Variants in DCUN1D5 observed in about 807,000 individuals in gnomAD.
DCUN1D5 encodes DCN1-like protein 5.
In DCUN1D5, 10 loss-of-function variants were observed where a neutral mutation model predicts 38.3. That is an observed-to-expected ratio of 0.26 (90% confidence interval 0.16 to 0.44). The LOEUF (loss-of-function observed/expected upper bound fraction) is 0.44, where lower values mean the gene tolerates loss of function less well. Among genes scored for constraint, DCUN1D5 ranks in the 20% least tolerant of loss-of-function variants. The pLI is 1.00. For synonymous variants in DCUN1D5, 93 were observed against 90.9 expected (o/e 1.02, Z -0.13); for missense variants, 148 against 275.3 (o/e 0.54, Z 3.27).
chr11:103,074,551 G>T (rs144342066), intron 4 of DCUN1D5, among the ~76,000 whole-genome samples: 224 of 152,152 alleles, frequency 1.5e-3, no homozygotes, highest in African/African-American at 5.2e-3. Flanking sequence ...GACTATGGGC[G>T]TGCACCACCA....
chr11:103,065,607 G>C lies in DCUN1D5; in HGVS notation c.555+662C>G, dbSNP rs1028545977. On this transcript the variant is annotated intron_variant, in intron 6 of 7. Transcript: ENST00000260247. This position sits in a 1 kb window ranked among gnomAD's most constrained non-coding sequence, Gnocchi z 4.6. The stretch of plus-strand genomic sequence containing the variant: ...ATACCAATAACCCTAGAATTACAAA[G>C]GCACAAAAACAGATTTAAAAAAAAA... Among the ~76,000 whole-genome samples, 8 of 151,202 alleles carry C rather than the reference G, an allele frequency of 5.3e-5. No homozygotes were observed. The highest frequency in any genetic ancestry group is 1.9e-4 in the African/African-American group (8 of 41,132).
chr11:103,072,232 TAGG>T lies in DCUN1D5; in HGVS notation c.342-5668_342-5666del, dbSNP rs1343442751. Among the ~76,000 whole-genome samples, 6 of 151,604 alleles carry T rather than the reference TAGG, an allele frequency of 4.0e-5. No homozygotes were observed. The South Asian group carries it at 8.3e-4, about 21-fold the overall frequency. The stretch of plus-strand genomic sequence containing the variant: ...CATGTAATAAGTCAAAAAAAAGAAA[TAGG>T]AGAGGATGTGGAGAAATAGGAATGA... On this transcript the variant is annotated intron_variant, in intron 4 of 7. Transcript: ENST00000260247.
chr11:103,084,895 G>C (rs1289763611), intron 2 of DCUN1D5, among the ~76,000 whole-genome samples: 3 of 152,014 alleles, frequency 2.0e-5, no homozygotes, highest in Non-Finnish European at 2.9e-5. Context: ...ACTGAGGTGG[G>C]AGCATTGCTT....
At chr11:103,068,146 G>A (rs957172190) in intron 4 of DCUN1D5, among the ~76,000 whole-genome samples, 2 of 151,836 alleles carry the variant, frequency 1.3e-5, no homozygotes, top group African/African-American at 4.8e-5. Context: ...TTTCTAATTT[G>A]CATTAGCATT....
intron 4 of DCUN1D5, chr11:103,080,030 A>G (rs2134626910): frequency 6.6e-6 from 1 of 152,302 alleles, no homozygotes; most frequent in Admixed American, 6.5e-5. Flanking sequence ...AATGTTAACA[A>G]AGTAGTCTGC....
At chr11:103,081,006 T>TAA (rs746448262) in intron 4 of DCUN1D5, among the ~76,000 whole-genome samples, 12 of 138,630 alleles carry the variant, frequency 8.7e-5, no homozygotes, top group Admixed American at 1.5e-4. Flanking sequence ...AGACTCCGTC[T>TAA]AAAAAAAAAA....
At position 103,083,030 on chromosome 11, in the gene DCUN1D5, C is replaced by G. The variant is rs771488715; in HGVS notation, c.250-191G>C. ...ATTTCTTAAAAGTAAAAAGTTCTAACAGTTTCTGAAGGTAGAATCTCTTAT... is the reference window on the plus strand; with the variant it reads ...ATTTCTTAAAAGTAAAAAGTTCTAAGAGTTTCTGAAGGTAGAATCTCTTAT... On this transcript the variant is annotated intron_variant, in intron 3 of 7. Coordinates refer to ENST00000260247, the MANE Select transcript of DCUN1D5 (RefSeq NM_032299.4). The surrounding 1 kb of genome is among the most constrained non-coding windows in gnomAD (Gnocchi z 4.4). Among the ~76,000 whole-genome samples, 1 of 151,974 alleles carries G rather than the reference C, an allele frequency of 6.6e-6. No homozygotes were observed. The highest frequency in any genetic ancestry group is 1.5e-5 in the Non-Finnish European group (1 of 67,886).
chr11:103,079,625 CA>C (rs560293422), intron 4 of DCUN1D5, among the ~76,000 whole-genome samples: 21 of 143,776 alleles, frequency 1.5e-4, no homozygotes, highest in South Asian at 2.2e-4. Flanking sequence ...CCCTGTCTCT[CA>C]AAAAAAAAAT....
chr11:103,055,434 T>C lies in DCUN1D5; in HGVS notation c.*6925A>G, dbSNP rs976940418. ...GAAAAAGAAACTAGCACTCCAGATG[T>C]TGTTATTCTTAATATAAAAAACTGT... is the stretch of plus-strand genomic sequence containing the variant. On this transcript the variant is annotated 3_prime_UTR_variant, in exon 8 of 8. Transcript: ENST00000260247. The C allele has an allele frequency of 1.3e-5, 2 of 152,138 alleles. No homozygotes were observed. The highest frequency in any genetic ancestry group is 1.3e-4 in the Admixed American group (2 of 15,276). 9.4% of individuals were successfully genotyped at this position (152,138 alleles called of 1,614,324 possible).
chr11:103,084,895 G>A (rs1289763611), intron 2 of DCUN1D5, among the ~76,000 whole-genome samples: 1 of 152,014 alleles, frequency 6.6e-6, no homozygotes, highest in South Asian at 2.1e-4. Context: ...ACTGAGGTGG[G>A]AGCATTGCTT....
intron 4 of DCUN1D5, among the ~76,000 whole-genome samples, chr11:103,081,678 T>TA (rs1230619947): frequency 3.9e-5 from 6 of 152,066 alleles, no homozygotes; most frequent in Non-Finnish European, 8.8e-5. Flanking sequence ...CTCAGACTAT[T>TA]AAAAAAATGG....
chr11:103,080,803 T>C (rs543154543), intron 4 of DCUN1D5, among the ~76,000 whole-genome samples: 24 of 152,214 alleles, frequency 1.6e-4, no homozygotes, highest in Non-Finnish European at 2.6e-4. Context: ...GGTCAGGAGA[T>C]TGAGACCATC....
chr11:103,052,623 A>C lies in DCUN1D5; in HGVS notation c.*9736T>G, dbSNP rs1031624889. 1 of 152,034 alleles carries C rather than the reference A, an allele frequency of 6.6e-6. No homozygotes were observed. Among genetic ancestry groups the C allele is most frequent in the East Asian group, 1.9e-4 (1 of 5,202 alleles). 9.4% of individuals were successfully genotyped at this position (152,034 alleles called of 1,614,324 possible). ...GATTCATTCCTTCATTCTTGTATCT[A>C]CTCCAAGTCTCTCTTGGTAGTTCTT... On this transcript the variant is annotated 3_prime_UTR_variant, in exon 8 of 8. Transcript: ENST00000260247.
chr11:103,058,098 T>A lies in DCUN1D5; in HGVS notation c.*4261A>T, dbSNP rs1214158335. ...GCATTATAAGACAAGATTCAATACT[T>A]AGGTTAAAATCTAACCTTACTATAT... On this transcript the variant is annotated 3_prime_UTR_variant, in exon 8 of 8. Coordinates refer to ENST00000260247, the MANE Select transcript of DCUN1D5 (RefSeq NM_032299.4). Among the ~76,000 whole-genome samples, 1 of 152,196 alleles carries A rather than the reference T, an allele frequency of 6.6e-6. No individual in the cohort carries two copies. The highest frequency in any genetic ancestry group is 1.5e-5 in the Non-Finnish European group (1 of 68,034).
rs968610719 is a variant in DCUN1D5 at position 103,059,858 on chromosome 11, TAAAGCACC to T, written c.*2493_*2500del. ...ATAGAAACAACTCAACTCCATGTTA[TAAAGCACC>T]ATACGGTATTTCATCCTGTACAAAG... is the stretch of plus-strand genomic sequence containing the variant. On this transcript the variant is annotated 3_prime_UTR_variant, in exon 8 of 8. Coordinates refer to ENST00000260247, the MANE Select transcript of DCUN1D5 (RefSeq NM_032299.4). 8.5e-5 allele frequency among the ~76,000 whole-genome samples: 13 copies of T among 152,270 alleles called. No individual in the cohort carries two copies. The highest frequency in any genetic ancestry group is 2.6e-4 in the African/African-American group (11 of 41,550).
At chr11:103,072,831 G>A (rs2134616026) in intron 4 of DCUN1D5, among the ~76,000 whole-genome samples, 2 of 152,126 alleles carry the variant, frequency 1.3e-5, no homozygotes, top group Middle Eastern at 3.4e-3. Flanking sequence ...AACGGGTGCA[G>A]CACCAACATG....
Position 103,064,237 on chromosome 11 carries a change from A to T in DCUN1D5, c.658+38T>A, listed in dbSNP as rs1366624547. Reference sequence around the variant, plus strand: ...CATACTCTCATTTAATATTTTTGGAAATTTTGTTTTCAAAGGAACATGTTA... The same window carrying T: ...CATACTCTCATTTAATATTTTTGGATATTTTGTTTTCAAAGGAACATGTTA... On this transcript the variant is annotated intron_variant, in intron 7 of 7. Transcript: ENST00000260247. This position sits in a 1 kb window ranked among gnomAD's most constrained non-coding sequence, Gnocchi z 4.5. The T allele has an allele frequency of 1.3e-6, 2 of 1,548,638 alleles. No homozygotes were observed. The highest frequency in any genetic ancestry group is 3.5e-5 in the Admixed American group (2 of 57,864).
intron 1 of DCUN1D5, among the ~76,000 whole-genome samples, chr11:103,090,849 T>C (rs1591233534): frequency 6.6e-6 from 1 of 152,010 alleles, no homozygotes; most frequent in African/African-American, 2.4e-5. Flanking sequence ...GAGGCGGAGG[T>C]TGCAGTAAGC....
chr11:103,063,449 A>C lies in DCUN1D5; in HGVS notation c.658+826T>G, dbSNP rs114159436. On this transcript the variant is annotated intron_variant, in intron 7 of 7. Coordinates refer to ENST00000260247, the MANE Select transcript of DCUN1D5 (RefSeq NM_032299.4). The surrounding 1 kb of genome is among the most constrained non-coding windows in gnomAD (Gnocchi z 4.6). Reference sequence around the variant, plus strand: ...GTATTATTTCTTTAAAATAATACTAAATTTTATACCATCTTGTAGAGAGAG... The same window carrying C: ...GTATTATTTCTTTAAAATAATACTACATTTTATACCATCTTGTAGAGAGAG... 0.026 allele frequency among the ~76,000 whole-genome samples: 3,901 copies of C among 152,262 alleles called. 197 individuals carry two copies. The highest frequency in any genetic ancestry group is 0.089 in the African/African-American group (3,694 of 41,542).
Sources: allele counts gnomAD v4.1 joint callset (sites outside exome capture counted in the v4.1 genomes callset), GRCh38; gene constraint gnomAD v4.1.1; non-coding constraint Gnocchi (gnomAD v3.1); transcripts MANE v1.5; gene names NCBI Gene and HGNC (gene_info 2026-07-23, HGNC 2026-07-21).